Variants in VPS50 observed in about 807,000 individuals in gnomAD.
VPS50 encodes VPS50 subunit of EARP/GARPII complex.
A neutral mutation model predicts 139.7 loss-of-function variants in VPS50; 70 were observed. The ratio of observed to expected loss-of-function variants is 0.50; its 90% CI spans 0.41 to 0.61. VPS50 has a LOEUF of 0.61. Among genes scored for constraint, VPS50 ranks in the 20% least tolerant of loss-of-function variants. The probability of loss-of-function intolerance (pLI) is 0.00; values close to 1 mark genes in which losing one functional copy is unlikely to be tolerated. For missense variants in VPS50, 921 were observed against 1,133.7 expected (o/e 0.81, Z 2.69); for synonymous variants, 365 against 376.7 (o/e 0.97, Z 0.36).
chr7:93,234,021 T>C (rs1794723565), intron 1 of VPS50, among the ~76,000 whole-genome samples: 1 of 152,246 alleles, frequency 6.6e-6, no homozygotes, highest in South Asian at 2.1e-4. Flanking sequence ...AAGCAATAGA[T>C]AAGTTCATGC....
intron 2 of VPS50, among the ~76,000 whole-genome samples, chr7:93,250,936 C>G (rs1055935109): frequency 1.3e-5 from 2 of 152,202 alleles, no homozygotes. Flanking sequence ...AAAAGCTCAT[C>G]ATCCCTGGTC....
In VPS50 at chr7:93,297,137, C is replaced by A; in HGVS notation, c.1263-8C>A. 2 of 1,552,810 alleles carry A rather than the reference C, an allele frequency of 1.3e-6. No homozygotes were observed. The highest frequency in any genetic ancestry group is 1.7e-6 in the Non-Finnish European group (2 of 1,161,194). ...CTGAAATTTACTGAAACCTTTTTAT[C>A]CAACTAGGTTGATGCAAGTTGGAGA... is the stretch of plus-strand genomic sequence containing the variant. On this transcript the variant is annotated splice_region_variant and splice_polypyrimidine_tract_variant and intron_variant, in intron 15 of 27. Coordinates refer to ENST00000305866, the MANE Select transcript of VPS50 (RefSeq NM_017667.4).
At chr7:93,243,171 G>A (rs1795047102) in intron 2 of VPS50, among the ~76,000 whole-genome samples, 1 of 151,952 alleles carries the variant, frequency 6.6e-6, no homozygotes, top group Non-Finnish European at 1.5e-5. Context: ...GGATAAAATA[G>A]TATAGAAAAG....
At chr7:93,334,013 C>CT in intron 21 of VPS50, 104 bp from the exon 22 acceptor site, 1 of 736,134 alleles carries the variant, frequency 1.4e-6, no homozygotes, top group Non-Finnish European at 2.4e-6. Context: ...CCTCTGAAGG[C>CT]TAAGTATCTG....
chr7:93,244,794 G>A (rs1795100460), intron 2 of VPS50, among the ~76,000 whole-genome samples: 1 of 151,666 alleles, frequency 6.6e-6, no homozygotes, highest in African/African-American at 2.4e-5. Flanking sequence ...TGGTACTAAG[G>A]GAGACTCTAA....
At chr7:93,344,335 T>A (rs1331891933) in intron 23 of VPS50, among the ~76,000 whole-genome samples, 10 of 152,116 alleles carry the variant, frequency 6.6e-5, no homozygotes, top group Non-Finnish European at 1.5e-4. Flanking sequence ...ATAAAGCAAG[T>A]CCTGAGTGAC....
intron 9 of VPS50, among the ~76,000 whole-genome samples, chr7:93,266,220 A>C (rs947969226): frequency 2.6e-5 from 4 of 152,206 alleles, no homozygotes; most frequent in African/African-American, 9.6e-5. Context: ...ACTTTACTGA[A>C]CCATGTACAA....
intron 19 of VPS50, among the ~76,000 whole-genome samples, chr7:93,309,939 G>A (rs73219911): frequency 0.037 from 5,637 of 151,822 alleles, 153 homozygotes; most frequent in Non-Finnish European, 0.057. Context: ...TTGAAATCTC[G>A]ACTGAAATAA....
chr7:93,345,594 C>A (rs1462906567), intron 23 of VPS50, among the ~76,000 whole-genome samples: 1 of 152,116 alleles, frequency 6.6e-6, no homozygotes, highest in African/African-American at 2.4e-5. Flanking sequence ...TACTGGCAAA[C>A]CGAATCCAGC....
At chr7:93,297,041 C>T in intron 15 of VPS50, 104 bp from the exon 16 acceptor site, 1 of 1,467,474 alleles carries the variant, frequency 6.8e-7, no homozygotes, top group Non-Finnish European at 8.9e-7. Flanking sequence ...TTTCACATGT[C>T]CAAATTTTAG....
At chr7:93,302,397 C>T (rs1584446296) in intron 16 of VPS50, among the ~76,000 whole-genome samples, 1 of 148,514 alleles carries the variant, frequency 6.7e-6, no homozygotes, top group Admixed American at 6.7e-5. Flanking sequence ...TTCTATTGAT[C>T]TGTCTTTGAG....
At chr7:93,264,615 A>AT (rs551346723) in intron 9 of VPS50, among the ~76,000 whole-genome samples, 302 of 152,218 alleles carry the variant, frequency 2.0e-3, no homozygotes, top group Non-Finnish European at 3.6e-3. Context: ...GAATTCCTTC[A>AT]TTTTTTCTCA....
intron 20 of VPS50, among the ~76,000 whole-genome samples, chr7:93,319,460 GA>G (rs1210374905): frequency 6.6e-6 from 1 of 152,126 alleles, no homozygotes. Context: ...GTGTCAGTCT[GA>G]AAATGTCTTT....
chr7:93,348,605 T>C (rs938385344), intron 23 of VPS50, 106 bp from the exon 24 acceptor site: 1 of 733,914 alleles, frequency 1.4e-6, no homozygotes, highest in Non-Finnish European at 2.3e-6. Flanking sequence ...GTAATTTTTA[T>C]TGTTAAAGTT....
rs202160213 is a variant in VPS50 at position 93,355,119 on chromosome 7, T to TA, written c.2586-756dup. ...TACTTCTGTATAAAATACTCTTTTT[T>TA]AAAAAAAAAAAAAAAAGCTTGGTCA... is the stretch of plus-strand genomic sequence containing the variant. On this transcript the variant is annotated intron_variant, in intron 26 of 27. Transcript: ENST00000305866. Among the ~76,000 whole-genome samples, 142 of 138,062 alleles carry TA rather than the reference T, an allele frequency of 1.0e-3. 3 individuals carry two copies. The East Asian group carries it at 0.014, about 14-fold the overall frequency. The allele number at this position is 138,062 out of a possible 152,430, so 90.6% of individuals were successfully genotyped here.
At chr7:93,304,369 T>C (rs1797061083) in intron 17 of VPS50, among the ~76,000 whole-genome samples, 1 of 151,756 alleles carries the variant, frequency 6.6e-6, no homozygotes, top group African/African-American at 2.4e-5. Context: ...TATGCTCATA[T>C]TGTATAATAG....
rs761326181 is a variant in VPS50 at position 93,341,515 on chromosome 7, T to G, written c.2147T>G (p.Val716Gly). The G allele has an allele frequency of 1.9e-6, 3 of 1,611,586 alleles. No homozygotes were observed. Among genetic ancestry groups the G allele is most frequent in the Non-Finnish European group, 2.5e-6 (3 of 1,178,076 alleles). ...VPSPHLSHLV[V>G]LTSGDTLYGL... The stretch of plus-strand genomic sequence containing the variant: ...AGTCCACACCTCAGTCACCTAGTGG[T>G]TTTGACATCTGGGGATACGCTGTAT... Residue 716 changes from valine (V) to glycine (G), a missense_variant, in exon 23 of 28, where the codon GTT becomes GGT. This residue lies in a region of VPS50 where 744 missense variants were observed against 930.6 expected (regional missense o/e 0.80). Transcript: ENST00000305866.
chr7:93,271,250 G>A lies in VPS50; in HGVS notation c.690G>A (p.Leu230=), dbSNP rs1022991353. The part of the protein sequence containing the change: ...SELNSKLQDT[L]EQIEEQLDVA... ...TGAATTCAAAGCTGCAAGATACTTT[G>A]GAACAGATTGAGGTAAGAAGTATTA... The change falls in exon 10 of 28, where the codon TTG becomes TTA. Residue 230 remains leucine, a synonymous_variant. Coordinates refer to ENST00000305866, the MANE Select transcript of VPS50 (RefSeq NM_017667.4). The A allele has an allele frequency of 6.4e-7, 1 of 1,555,786 alleles. No homozygotes were observed. The highest frequency in any genetic ancestry group is 8.6e-7 in the Non-Finnish European group (1 of 1,158,534).
chr7:93,284,638 C>A (rs1172616870), intron 12 of VPS50, among the ~76,000 whole-genome samples: 1 of 152,136 alleles, frequency 6.6e-6, no homozygotes, highest in Non-Finnish European at 1.5e-5. Flanking sequence ...ATGAATGAAT[C>A]CAGTGAGTTG....
Sources: gnomAD v4.1 joint callset for allele counts (sites outside exome capture counted in the v4.1 genomes callset) on GRCh38, gnomAD v4.1.1 for gene constraint, gnomAD v4.1.1 regional missense constraint, MANE v1.5 for transcripts, NCBI Gene and HGNC (gene_info 2026-07-23, HGNC 2026-07-21) for gene names.